LRRTM2: variants seen among roughly 807,000 people sequenced by gnomAD.
LRRTM2 encodes the protein leucine-rich repeat transmembrane neuronal protein 2.
A neutral mutation model predicts 40.7 loss-of-function variants in LRRTM2; 14 were observed. The observed-to-expected ratio is 0.34, with a 90% CI of 0.23 to 0.54. The LOEUF (loss-of-function observed/expected upper bound fraction) is 0.54. Among genes scored for constraint, LRRTM2 ranks in the 20% least tolerant of loss-of-function variants. The probability of loss-of-function intolerance (pLI) is 0.92; values close to 1 mark genes in which losing one functional copy is unlikely to be tolerated. For missense variants in LRRTM2, 468 were observed against 624.4 expected (o/e 0.75, Z 2.67); for synonymous variants, 223 against 237.6 (o/e 0.94, Z 0.57).
chr5:138,871,160 C>G lies in LRRTM2; in HGVS notation c.*1850G>C, dbSNP rs1207682829. ...AGCCTTAACATGTTTTCAGTTTGAT[C>G]CTGGGAAGAAAAAATATGCCCTGAA... On this transcript the variant is annotated 3_prime_UTR_variant, in exon 2 of 2. Coordinates refer to ENST00000274711, the MANE Select transcript of LRRTM2 (RefSeq NM_015564.3). 1 of 151,990 alleles carries G rather than the reference C, an allele frequency of 6.6e-6. No homozygotes were observed. The highest frequency in any genetic ancestry group is 1.5e-5 in the Non-Finnish European group (1 of 68,020). The allele number at this position is 151,990 out of a possible 1,614,324, so 9.4% of individuals were successfully genotyped here.
In LRRTM2 at chr5:138,873,184, T is replaced by G. The variant is rs1263623904; in HGVS notation, c.1377A>C (p.Ser459=). ...GGAGCTGCCTGTGGTTCTGAACCAT[T>G]GAGCACTGCCTAATTCTTCTTAAAG... The part of the protein sequence containing the change: ...PPTLRRIRQC[S]MVQNHRQLRS... Residue 459 remains serine, a synonymous_variant, in exon 2 of 2, where the codon TCA becomes TCC. Coordinates refer to ENST00000274711, the MANE Select transcript of LRRTM2 (RefSeq NM_015564.3). The surrounding 1 kb of genome is among the most constrained non-coding windows in gnomAD (Gnocchi z 6.1). 4 of 1,614,028 alleles carry G rather than the reference T, an allele frequency of 2.5e-6. No homozygotes were observed. The highest frequency in any genetic ancestry group is 3.4e-6 in the Non-Finnish European group (4 of 1,179,888).
rs541938854 is a variant in LRRTM2 at position 138,871,695 on chromosome 5, A to G, written c.*1315T>C. 3.9e-5 allele frequency: 6 copies of G among 152,294 alleles called. No individual in the cohort carries two copies. Among genetic ancestry groups the G allele is most frequent in the South Asian group, 2.1e-4 (1 of 4,808 alleles). The allele number at this position is 152,294 out of a possible 1,614,324, so 9.4% of individuals were successfully genotyped here. A position where few individuals can be genotyped will look rare whatever the true frequency, so the allele number is the denominator to read the frequency against. ...ATCCCTCACCTCTGTGCTGCCTTCA[A>G]GTTACCACTGTGTGGCTGCATAGGC... is the stretch of plus-strand genomic sequence containing the variant. On this transcript the variant is annotated 3_prime_UTR_variant, in exon 2 of 2. Coordinates refer to ENST00000274711, the MANE Select transcript of LRRTM2 (RefSeq NM_015564.3).
At position 138,873,883 on chromosome 5, in the gene LRRTM2, T is replaced by G; in HGVS notation, c.678A>C (p.Leu226=). The G allele has an allele frequency of 6.2e-7, 1 of 1,614,010 alleles. No individual in the cohort carries two copies. Among genetic ancestry groups the G allele is most frequent in the Non-Finnish European group, 8.5e-7 (1 of 1,179,900 alleles). The change falls in exon 2 of 2, where the codon CTA becomes CTC. Residue 226 remains leucine, a synonymous_variant. Coordinates refer to ENST00000274711, the MANE Select transcript of LRRTM2 (RefSeq NM_015564.3). This position sits in a 1 kb window ranked among gnomAD's most constrained non-coding sequence, Gnocchi z 6.1. ...AGAGCGTGTGCAGACTGCTTAGCCG[T>G]AGGAAATGAGCAAAATTAATCTTCG... The part of the protein sequence containing the change: ...QLTKINFAHF[L]RLSSLHTLFL...
In LRRTM2 at chr5:138,873,428, G is replaced by A. The variant is rs770344936; in HGVS notation, c.1133C>T (p.Thr378Ile). 1 of 1,613,852 alleles carries A rather than the reference G, an allele frequency of 6.2e-7. No homozygotes were observed. Among genetic ancestry groups the A allele is most frequent in the East Asian group, 2.2e-5 (1 of 44,896 alleles). Residue 378 changes from threonine (T) to isoleucine (I), a missense_variant, in exon 2 of 2, where the codon ACC becomes ATC. Coordinates refer to ENST00000274711, the MANE Select transcript of LRRTM2 (RefSeq NM_015564.3). This position sits in a 1 kb window ranked among gnomAD's most constrained non-coding sequence, Gnocchi z 6.1. ...TVMATTYRDP[T>I]TEYTKRISSS... ...GCTTATTCTTTTTGTATATTCAGTGGTTGGATCTCTATAAGTTGTAGCCAT... is the reference window on the plus strand; with the variant it reads ...GCTTATTCTTTTTGTATATTCAGTGATTGGATCTCTATAAGTTGTAGCCAT...
In LRRTM2 at chr5:138,874,630, A is replaced by G. The variant is rs1214437713; in HGVS notation, c.5-74T>C. 2 of 930,908 alleles carry G rather than the reference A, an allele frequency of 2.1e-6. No individual in the cohort carries two copies. The highest frequency in any genetic ancestry group is 1.7e-5 in the African/African-American group (1 of 59,890). 57.7% of individuals were successfully genotyped at this position (930,908 alleles called of 1,614,324 possible). On this transcript the variant is annotated intron_variant, in intron 1 of 1. Coordinates refer to ENST00000274711, the MANE Select transcript of LRRTM2 (RefSeq NM_015564.3). The surrounding 1 kb of genome is among the most constrained non-coding windows in gnomAD (Gnocchi z 4.1). ...AGAACATATGGGCTATTTAAAAAAAACAACCACCACCAACATTATAGCAAA... is the reference window on the plus strand; with the variant it reads ...AGAACATATGGGCTATTTAAAAAAAGCAACCACCACCAACATTATAGCAAA...
chr5:138,871,133 A>G lies in LRRTM2; in HGVS notation c.*1877T>C, dbSNP rs1750550148. On this transcript the variant is annotated 3_prime_UTR_variant, in exon 2 of 2. Transcript: ENST00000274711. The stretch of plus-strand genomic sequence containing the variant: ...GTGATTAAATCTTACTGGCTAAACT[A>G]TAGCCTTAACATGTTTTCAGTTTGA... 6.6e-6 allele frequency: 1 copy of G among 152,212 alleles called. No individual in the cohort carries two copies. The highest frequency in any genetic ancestry group is 2.4e-5 in the African/African-American group (1 of 41,448). The allele number at this position is 152,212 out of a possible 1,614,324, so 9.4% of individuals were successfully genotyped here. A position where few individuals can be genotyped will look rare whatever the true frequency, so the allele number is the denominator to read the frequency against.
In LRRTM2 at chr5:138,871,274, A is replaced by G. The variant is rs977884436; in HGVS notation, c.*1736T>C. On this transcript the variant is annotated 3_prime_UTR_variant, in exon 2 of 2. Transcript: ENST00000274711. ...CTCTAAGGTTTTATGTCTTTTTTCT[A>G]CATACAGTAAATGGCAGTTGTAAAA... is the stretch of plus-strand genomic sequence containing the variant. 6.6e-6 allele frequency: 1 copy of G among 152,236 alleles called. No individual in the cohort carries two copies. The highest frequency in any genetic ancestry group is 2.4e-5 in the African/African-American group (1 of 41,476). The allele number at this position is 152,236 out of a possible 1,614,324, so 9.4% of individuals were successfully genotyped here.
rs761374260 is a variant in LRRTM2 at position 138,872,027 on chromosome 5, A to AGAGT, written c.*982_*983insACTC. ...TGATAGTTGAGAGAGAGAGCGCGAGAGTGTGTGTGTGTGTGTGTGTGTGTG... is the reference window on the plus strand; with the variant it reads ...TGATAGTTGAGAGAGAGAGCGCGAGAGAGTGTGTGTGTGTGTGTGTGTGTGTGTG... On this transcript the variant is annotated 3_prime_UTR_variant, in exon 2 of 2. Transcript: ENST00000274711. 9.0e-5 allele frequency: 12 copies of AGAGT among 133,066 alleles called. No homozygotes were observed. The highest frequency in any genetic ancestry group is 1.6e-4 in the Non-Finnish European group (10 of 61,996). The allele number at this position is 133,066 out of a possible 1,614,324, so 8.2% of individuals were successfully genotyped here.
Position 138,873,376 on chromosome 5 carries a change from T to C in LRRTM2, c.1185A>G (p.Lys395=), listed in dbSNP as rs1224651282. 1 of 1,613,962 alleles carries C rather than the reference T, an allele frequency of 6.2e-7. No homozygotes were observed. The highest frequency in any genetic ancestry group is 2.2e-5 in the East Asian group (1 of 44,908). Residue 395 remains lysine (K), a synonymous_variant, in exon 2 of 2, where the codon AAA becomes AAG. Coordinates refer to ENST00000274711, the MANE Select transcript of LRRTM2 (RefSeq NM_015564.3). This position sits in a 1 kb window ranked among gnomAD's most constrained non-coding sequence, Gnocchi z 6.1. The part of the protein sequence containing the change: ...ISSSSYHVGD[K]EIPTTAGIAV... ...CTATGCCTGCAGTAGTTGGGATTTC[T>C]TTGTCTCCCACATGGTAACTTGATG...
Position 138,875,136 on chromosome 5 carries a change from A to G in LRRTM2, c.-225T>C. ...CTGTGATTGCTCTGATCCCTAAATCAGTTTTGAATATAAGTTATTAAATTT... is the reference window on the plus strand; with the variant it reads ...CTGTGATTGCTCTGATCCCTAAATCGGTTTTGAATATAAGTTATTAAATTT... On this transcript the variant is annotated 5_prime_UTR_variant, in exon 1 of 2. Transcript: ENST00000274711. 1 of 477,174 alleles carries G rather than the reference A, an allele frequency of 2.1e-6. No homozygotes were observed. Among genetic ancestry groups the G allele is most frequent in the East Asian group, 3.5e-5 (1 of 28,724 alleles). 29.6% of individuals were successfully genotyped at this position (477,174 alleles called of 1,614,324 possible). A position where few individuals can be genotyped will look rare whatever the true frequency, so the allele number is the denominator to read the frequency against.
chr5:138,873,263 G>GA lies in LRRTM2; in HGVS notation c.1297dup (p.Ser433PhefsTer24). ...CACTATAAAAATAATAAAAAAGAAAGAAAACAATAAAGCCATTGTTCCCGT... is the reference window on the plus strand; with the variant it reads ...CACTATAAAAATAATAAAAAAGAAAGAAAAACAATAAAGCCATTGTTCCCGT... On this transcript the variant is annotated frameshift_variant, in exon 2 of 2. Coordinates refer to ENST00000274711, the MANE Select transcript of LRRTM2 (RefSeq NM_015564.3). LOFTEE classifies it high-confidence loss of function. This position sits in a 1 kb window ranked among gnomAD's most constrained non-coding sequence, Gnocchi z 6.1. 6.2e-7 allele frequency: 1 copy of GA among 1,613,822 alleles called. No homozygotes were observed. Among genetic ancestry groups the GA allele is most frequent in the Non-Finnish European group, 8.5e-7 (1 of 1,179,802 alleles).
rs578131310 is a variant in LRRTM2 at position 138,874,844 on chromosome 5, G to T, written c.4+64C>A. ...ATTTCCCTCATAAAATGTGAATTCG[G>T]TAGCTTATTTTAAAAGCGTGATTCC... On this transcript the variant is annotated intron_variant, in intron 1 of 1. Coordinates refer to ENST00000274711, the MANE Select transcript of LRRTM2 (RefSeq NM_015564.3). This position sits in a 1 kb window ranked among gnomAD's most constrained non-coding sequence, Gnocchi z 4.1. The T allele has an allele frequency of 4.8e-6, 7 of 1,471,728 alleles. No individual in the cohort carries two copies. The highest frequency in any genetic ancestry group is 1.2e-5 in the South Asian group (1 of 84,314). 91.2% of individuals were successfully genotyped at this position (1,471,728 alleles called of 1,614,324 possible).
rs370259988 is a variant in LRRTM2 at position 138,872,027 on chromosome 5, A to AGTGTGTGTGTGTGTGTGTGT, written c.*963_*982dup. On this transcript the variant is annotated 3_prime_UTR_variant, in exon 2 of 2. Transcript: ENST00000274711. ...TGATAGTTGAGAGAGAGAGCGCGAG[A>AGTGTGTGTGTGTGTGTGTGT]GTGTGTGTGTGTGTGTGTGTGTGTG... 2 of 133,066 alleles carry AGTGTGTGTGTGTGTGTGTGT rather than the reference A, an allele frequency of 1.5e-5. No homozygotes were observed. The highest frequency in any genetic ancestry group is 3.2e-5 in the Non-Finnish European group (2 of 61,996). The allele number at this position is 133,066 out of a possible 1,614,324, so 8.2% of individuals were successfully genotyped here.
chr5:138,872,812 G>A lies in LRRTM2; in HGVS notation c.*198C>T, dbSNP rs900912144. The A allele has an allele frequency of 2.1e-6, 1 of 469,124 alleles. No individual in the cohort carries two copies. Among genetic ancestry groups the A allele is most frequent in the Admixed American group, 3.8e-5 (1 of 26,378 alleles). 29.1% of individuals were successfully genotyped at this position (469,124 alleles called of 1,614,324 possible). A position where few individuals can be genotyped will look rare whatever the true frequency, so the allele number is the denominator to read the frequency against. On this transcript the variant is annotated 3_prime_UTR_variant, in exon 2 of 2. Transcript: ENST00000274711. ...TTCCAACAGGAGTGCAAATTAATGTGAGCATTGATTCATTTAACACTTAAA... is the reference window on the plus strand; with the variant it reads ...TTCCAACAGGAGTGCAAATTAATGTAAGCATTGATTCATTTAACACTTAAA...
chr5:138,869,030 A>G lies in LRRTM2; in HGVS notation c.*3980T>C, dbSNP rs1765077818. The G allele has an allele frequency of 7.3e-6, 1 of 136,170 alleles. No homozygotes were observed. Among genetic ancestry groups the G allele is most frequent in the Non-Finnish European group, 1.6e-5 (1 of 64,274 alleles). 8.4% of individuals were successfully genotyped at this position (136,170 alleles called of 1,614,324 possible). On this transcript the variant is annotated 3_prime_UTR_variant, in exon 2 of 2. Coordinates refer to ENST00000274711, the MANE Select transcript of LRRTM2 (RefSeq NM_015564.3). ...CCCTGCATAATAGTATTTTCTTCCC[A>G]CCCTCAACCCATCTGCCCACCTCCC...
rs1208341954 is a variant in LRRTM2, at chr5:138,873,013, T to C, written c.1548A>G (p.Val516=). 4 of 1,599,668 alleles carry C rather than the reference T, an allele frequency of 2.5e-6. No homozygotes were observed. The highest frequency in any genetic ancestry group is 2.6e-6 in the Non-Finnish European group (3 of 1,171,068). Residue 516 remains valine, a synonymous_variant, in exon 2 of 2, where the codon GTA becomes GTG. Coordinates refer to ENST00000274711, the MANE Select transcript of LRRTM2 (RefSeq NM_015564.3). This position sits in a 1 kb window ranked among gnomAD's most constrained non-coding sequence, Gnocchi z 6.1. ...GATTTTTGATGATGGGTAGATATTA[T>C]ACTTCACATTCTTTGTATGGCAGCT... is the stretch of plus-strand genomic sequence containing the variant. ...CQQLPYKECE[V] is the part of the protein sequence containing the mutation.
chr5:138,875,080 A>G lies in LRRTM2; in HGVS notation c.-169T>C. 1.7e-6 allele frequency: 1 copy of G among 604,122 alleles called. No individual in the cohort carries two copies. The highest frequency in any genetic ancestry group is 2.8e-6 in the Non-Finnish European group (1 of 351,562). The allele number at this position is 604,122 out of a possible 1,614,324, so 37.4% of individuals were successfully genotyped here. On this transcript the variant is annotated 5_prime_UTR_variant, in exon 1 of 2. Transcript: ENST00000274711. The stretch of plus-strand genomic sequence containing the variant: ...CAGGACGAGTTGTTTTTTCCTTAGG[A>G]TATCCCTCTGGAAAGCATTGGTTTC...
In LRRTM2 at chr5:138,869,372, CTCT is replaced by C. The variant is rs1561614658; in HGVS notation, c.*3635_*3637del. On this transcript the variant is annotated 3_prime_UTR_variant, in exon 2 of 2. Transcript: ENST00000274711. ...CTATAGATGGCCTTACTGTCTCTCTCTCTTTTTTTTTTTTTTTCCTGGCTCAAG... is the reference window on the plus strand; with the variant it reads ...CTATAGATGGCCTTACTGTCTCTCTCTTTTTTTTTTTTTTCCTGGCTCAAG... The C allele has an allele frequency of 7.0e-6, 1 of 141,930 alleles. No individual in the cohort carries two copies. The highest frequency in any genetic ancestry group is 7.0e-5 in the Admixed American group (1 of 14,300). 8.8% of individuals were successfully genotyped at this position (141,930 alleles called of 1,614,324 possible). A position where few individuals can be genotyped will look rare whatever the true frequency, so the allele number is the denominator to read the frequency against.
chr5:138,873,006 G>A lies in LRRTM2; in HGVS notation c.*4C>T, dbSNP rs766757493. Reference sequence around the variant, plus strand: ...CTGATGTGATTTTTGATGATGGGTAGATATTATACTTCACATTCTTTGTAT... The same window carrying A: ...CTGATGTGATTTTTGATGATGGGTAAATATTATACTTCACATTCTTTGTAT... On this transcript the variant is annotated 3_prime_UTR_variant, in exon 2 of 2. Coordinates refer to ENST00000274711, the MANE Select transcript of LRRTM2 (RefSeq NM_015564.3). The surrounding 1 kb of genome is among the most constrained non-coding windows in gnomAD (Gnocchi z 6.1). 1 of 1,582,144 alleles carries A rather than the reference G, an allele frequency of 6.3e-7. No homozygotes were observed. The highest frequency in any genetic ancestry group is 1.3e-5 in the African/African-American group (1 of 74,106).
Sources: allele counts gnomAD v4.1 joint callset, GRCh38; gene constraint gnomAD v4.1.1; non-coding constraint Gnocchi (gnomAD v3.1); transcripts MANE v1.5; gene names NCBI Gene and HGNC (gene_info 2026-07-23, HGNC 2026-07-21).